The following CDH3 variants were observed in gnomAD, a reference collection of about 807,000 sequenced individuals.
CDH3 encodes cadherin 3, also known as cadherin-3.
A neutral mutation model predicts 82.0 loss-of-function variants in CDH3; 54 were observed. That is an observed-to-expected ratio of 0.66 (90% confidence interval 0.53 to 0.83). The LOEUF is 0.83. CDH3 is among the 40% of genes least tolerant of loss of function. CDH3 has a pLI of 0.00. For missense variants in CDH3, 1,054 were observed against 1,084.6 expected, an observed-to-expected ratio of 0.97 and a Z score of 0.40; for synonymous variants, 446 against 437.9, an observed-to-expected ratio of 1.02 and a Z score of -0.23.
In CDH3 at chr16:68,695,273, T is replaced by C; in HGVS notation, c.2021T>C (p.Leu674Pro). 3.1e-6 allele frequency: 5 copies of C among 1,614,118 alleles called. No individual in the cohort carries two copies. The highest frequency in any genetic ancestry group is 4.2e-6 in the Non-Finnish European group (5 of 1,180,018). The change falls in exon 14 of 16, where the codon CTT becomes CCT. Residue 674 changes from leucine (L) to proline (P), a missense_variant. Leu to Pro is a moderately conservative substitution (Grantham distance 98). Coordinates refer to ENST00000264012, the MANE Select transcript of CDH3 (RefSeq NM_001793.6). ...CTTGCAGTCCTCCTGCTGGTGCTGC[T>C]TTTGTTGGTGAGAAAGAAGCGGAAG... Reference protein sequence around the residue: ...LALLFLLLVLLLLVRKKRKIK... With the variant: ...LALLFLLLVLPLLVRKKRKIK...
intron 12 of CDH3, among the ~76,000 whole-genome samples, chr16:68,688,080 A>G (rs1433845251): frequency 6.7e-6 from 1 of 150,184 alleles, no homozygotes; most frequent in Non-Finnish European, 1.5e-5. Flanking sequence ...GACTCTCGCT[A>G]TGTGACATGG....
chr16:68,652,667 G>A (rs1031175601), intron 2 of CDH3, among the ~76,000 whole-genome samples: 14 of 152,236 alleles, frequency 9.2e-5, no homozygotes, highest in African/African-American at 3.1e-4. Flanking sequence ...TGTTTCTGGC[G>A]CACAGATCAA....
intron 2 of CDH3, among the ~76,000 whole-genome samples, chr16:68,653,386 C>A (rs191967270): frequency 6.6e-6 from 1 of 151,776 alleles, no homozygotes; most frequent in Non-Finnish European, 1.5e-5. Context: ...TACAGGCATG[C>A]GCCACCAAGT....
chr16:68,703,639 G>A (rs539601539), downstream of CDH3, among the ~76,000 whole-genome samples: 6 of 152,286 alleles, frequency 3.9e-5, no homozygotes, highest in Admixed American at 1.3e-4. Flanking sequence ...CTCTGTCTCC[G>A]TTTTCTCATC....
rs868272234 is a variant in CDH3, at chr16:68,687,414, G to T, written c.1571-98G>T. On this transcript the variant is annotated intron_variant, in intron 11 of 15. Transcript: ENST00000264012. The stretch of plus-strand genomic sequence containing the variant: ...TGTATTGGAAGCAAGGGCATGGAAG[G>T]TCTTGAGAGGTGAGAGCTGGGCGGT... 1.8e-5 allele frequency: 16 copies of T among 867,054 alleles called. 1 individual carries two copies. Among genetic ancestry groups the T allele is most frequent in the Middle Eastern group, 4.7e-4 (2 of 4,296 alleles). The allele number at this position is 867,054 out of a possible 1,614,324, so 53.7% of individuals were successfully genotyped here. A position where few individuals can be genotyped will look rare whatever the true frequency, so the allele number is the denominator to read the frequency against.
At position 68,699,053 on chromosome 16, in the gene CDH3, T is replaced by C. The variant is rs1160250143; in HGVS notation, c.*653T>C. 1.3e-5 allele frequency: 2 copies of C among 152,134 alleles called. No individual in the cohort carries two copies. Among genetic ancestry groups the C allele is most frequent in the African/African-American group, 4.8e-5 (2 of 41,314 alleles). The allele number at this position is 152,134 out of a possible 1,614,324, so 9.4% of individuals were successfully genotyped here. A position where few individuals can be genotyped will look rare whatever the true frequency, so the allele number is the denominator to read the frequency against. Reference sequence around the variant, plus strand: ...ACTTTTCCCAGAGGTGCCTGGGGAGTGAACTGTTTTCTAAATAGAAGGTTT... The same window carrying C: ...ACTTTTCCCAGAGGTGCCTGGGGAGCGAACTGTTTTCTAAATAGAAGGTTT... On this transcript the variant is annotated 3_prime_UTR_variant, in exon 16 of 16. Coordinates refer to ENST00000264012, the MANE Select transcript of CDH3 (RefSeq NM_001793.6).
At chr16:68,726,635 G>A (rs1332260207) in intron 2 of CDH3, among the ~76,000 whole-genome samples, 3 of 149,560 alleles carry the variant, frequency 2.0e-5, no homozygotes, top group African/African-American at 7.4e-5. Flanking sequence ...CTGGAGTGCA[G>A]TGGTGTGATC....
At chr16:68,704,015 G>A (rs1029477565), downstream of CDH3, among the ~76,000 whole-genome samples, 1 of 151,958 alleles carries the variant, frequency 6.6e-6, no homozygotes, top group Admixed American at 6.6e-5. Flanking sequence ...GGCCGGGCGC[G>A]GTGGCTCACG....
chr16:68,724,030 C>A (rs2152111551), intron 2 of CDH3, among the ~76,000 whole-genome samples: 1 of 147,832 alleles, frequency 6.8e-6, no homozygotes, highest in East Asian at 2.0e-4. Context: ...GATCGGGCCA[C>A]TGCACTCCAG....
At chr16:68,694,272 C>T (rs546870286) in intron 13 of CDH3, among the ~76,000 whole-genome samples, 2 of 140,376 alleles carry the variant, frequency 1.4e-5, no homozygotes, top group African/African-American at 2.7e-5. Context: ...AAGATCCTGA[C>T]ACTGCACTCC....
chr16:68,670,710 A>G (rs1029984220), intron 2 of CDH3, among the ~76,000 whole-genome samples: 1 of 152,236 alleles, frequency 6.6e-6, no homozygotes, highest in Non-Finnish European at 1.5e-5. Flanking sequence ...CAAGTTCTAC[A>G]TCAGCAGTGA....
At chr16:68,662,864 G>GTTTT (rs144098456) in intron 2 of CDH3, among the ~76,000 whole-genome samples, 2 of 67,808 alleles carry the variant, frequency 2.9e-5, no homozygotes, top group Non-Finnish European at 2.6e-5. Flanking sequence ...ATTTTTTAAA[G>GTTTT]TTTTTTTTTT....
intron 2 of CDH3, among the ~76,000 whole-genome samples, 195 bp from the exon 3 acceptor site, chr16:68,676,190 G>A (rs1487813435): frequency 1.3e-5 from 2 of 152,112 alleles, no homozygotes; most frequent in African/African-American, 2.4e-5. Context: ...CTTCCCTCTC[G>A]AAACCAAACT....
At chr16:68,660,559 AT>A (rs1215039979) in intron 2 of CDH3, among the ~76,000 whole-genome samples, 1 of 152,142 alleles carries the variant, frequency 6.6e-6, no homozygotes, top group Non-Finnish European at 1.5e-5. Flanking sequence ...TTCTGTTCTT[AT>A]TTTCCCCCCA....
rs1961089188 is a variant in CDH3 at position 68,678,188 on chromosome 16, A to G, written c.301A>G (p.Ile101Val). The change falls in exon 4 of 16, where the codon ATC becomes GTC. Residue 101 changes from isoleucine to valine, a missense_variant. Ile to Val is a conservative substitution (Grantham distance 29). Transcript: ENST00000264012. Reference protein sequence around the residue: ...NPLKIFPSKRILRRHKRDWVV... With the variant: ...NPLKIFPSKRVLRRHKRDWVV... ...ATTGAAGATCTTCCCATCCAAACGT[A>G]TCTTACGAAGACACAAGAGAGATTG... 1.9e-6 allele frequency: 3 copies of G among 1,613,672 alleles called. No individual in the cohort carries two copies. The highest frequency in any genetic ancestry group is 2.5e-6 in the Non-Finnish European group (3 of 1,179,644).
intron 2 of CDH3, chr16:68,651,417 C>T (rs1436013635): frequency 1.8e-6 from 1 of 548,248 alleles, no homozygotes; most frequent in Non-Finnish European, 3.7e-6. Flanking sequence ...CATGGTCATA[C>T]CCGACTGGCT....
downstream of CDH3, among the ~76,000 whole-genome samples, chr16:68,703,073 A>G (rs1961916562): frequency 6.6e-6 from 1 of 152,188 alleles, no homozygotes; most frequent in African/African-American, 2.4e-5. Flanking sequence ...GGGGACAGAG[A>G]TGGGCCAGCG....
chr16:68,697,523 C>T (rs778872153), intron 15 of CDH3, among the ~76,000 whole-genome samples: 54 of 152,038 alleles, frequency 3.6e-4, no homozygotes, highest in Admixed American at 4.6e-4. Context: ...CAGTGGTTCC[C>T]GACCCTGCCT....
chr16:68,678,394 T>A (rs1961096731), intron 4 of CDH3, 107 bp from the exon 5 acceptor site: 3 of 1,580,340 alleles, frequency 1.9e-6, no homozygotes, highest in Non-Finnish European at 2.6e-6. Context: ...CCTCTCCTGT[T>A]CAGTGAGCAG....
Sources: allele counts gnomAD v4.1 joint callset (sites outside exome capture counted in the v4.1 genomes callset), GRCh38; gene constraint gnomAD v4.1.1; transcripts MANE v1.5; gene names NCBI Gene and HGNC (gene_info 2026-07-23, HGNC 2026-07-21).